The following CSMD1 variants were observed in gnomAD, a reference collection of about 807,000 sequenced individuals.
CSMD1 encodes CUB and Sushi multiple domains 1.
Under a neutral mutation model 417.5 loss-of-function variants are expected in CSMD1, and 213 were observed. The ratio of observed to expected loss-of-function variants is 0.51; its 90% CI spans 0.46 to 0.57. The LOEUF is 0.57. Among genes scored for constraint, CSMD1 ranks in the 20% least tolerant of loss-of-function variants. CSMD1 has a pLI of 0.00. For missense variants in CSMD1, 6,923 were observed against 4,529.7 expected (o/e 1.53, Z -15.17); for synonymous variants, 2,862 against 1,736.8 (o/e 1.65, Z -16.11).
chr8:3,426,400 C>T (rs932956440), intron 12 of CSMD1, among the ~76,000 whole-genome samples: 16 of 152,058 alleles, frequency 1.1e-4, no homozygotes, highest in Admixed American at 2.6e-4. Flanking sequence ...TAATTTAGCT[C>T]GACTTCTCTA....
At chr8:4,759,777 G>C (rs1289288211) in intron 1 of CSMD1, among the ~76,000 whole-genome samples, 1 of 152,176 alleles carries the variant, frequency 6.6e-6, no homozygotes, top group African/African-American at 2.4e-5. Flanking sequence ...GTATTCCATA[G>C]TACATATGTA....
At chr8:4,013,124 G>C (rs535767115) in intron 4 of CSMD1, among the ~76,000 whole-genome samples, 1 of 151,736 alleles carries the variant, frequency 6.6e-6, no homozygotes, top group African/African-American at 2.4e-5. Flanking sequence ...TTTTCTTCTC[G>C]TATCCCCCCA....
intron 3 of CSMD1, among the ~76,000 whole-genome samples, chr8:4,363,476 C>T (rs986294768): frequency 6.6e-6 from 1 of 152,174 alleles, no homozygotes; most frequent in Non-Finnish European, 1.5e-5. Context: ...CCCACCACCC[C>T]CTCTCTGGAG....
chr8:4,734,208 T>C (rs1810079291), intron 1 of CSMD1, among the ~76,000 whole-genome samples: 1 of 152,316 alleles, frequency 6.6e-6, no homozygotes, highest in East Asian at 1.9e-4. Context: ...AAAATTCCCC[T>C]GCATGGTATA....
intron 3 of CSMD1, among the ~76,000 whole-genome samples, chr8:4,227,762 C>T (rs576536684): frequency 1.1e-4 from 17 of 151,442 alleles, no homozygotes; most frequent in Admixed American, 9.2e-4. Flanking sequence ...CTCCATCCTG[C>T]ATTCAATCCC....
At position 4,433,323 on chromosome 8, in the gene CSMD1, G is replaced by A. The variant is rs550040471; in HGVS notation, c.303-13258C>T. Among the ~76,000 whole-genome samples, 115 of 152,232 alleles carry A rather than the reference G, an allele frequency of 7.6e-4. 3 individuals carry two copies. In the South Asian group the frequency reaches 0.014, roughly 19 times the overall value. Reference sequence around the variant, plus strand: ...ACTGGCTTCCACGAAACTGGTCCCTGGCACCAGAAAGGTTGGGGACTGCTA... The same window carrying A: ...ACTGGCTTCCACGAAACTGGTCCCTAGCACCAGAAAGGTTGGGGACTGCTA... On this transcript the variant is annotated intron_variant, in intron 2 of 69. Transcript: ENST00000635120.
chr8:4,913,960 C>T (rs370355029), intron 1 of CSMD1, among the ~76,000 whole-genome samples: 1 of 152,128 alleles, frequency 6.6e-6, no homozygotes, highest in Non-Finnish European at 1.5e-5. Context: ...TTAATTGTAG[C>T]CAATTAAGAT....
chr8:2,995,209 T>A (rs1448607370), intron 54 of CSMD1, among the ~76,000 whole-genome samples: 1 of 151,974 alleles, frequency 6.6e-6, no homozygotes, highest in African/African-American at 2.4e-5. Context: ...AACAAAAAAA[T>A]CCAAACAATT....
intron 3 of CSMD1, among the ~76,000 whole-genome samples, chr8:4,089,060 C>T (rs1337675860): frequency 1.3e-5 from 2 of 152,158 alleles, no homozygotes; most frequent in Non-Finnish European, 2.9e-5. Flanking sequence ...CTGGTCTTGC[C>T]GCCAGAGCTT....
intron 3 of CSMD1, among the ~76,000 whole-genome samples, chr8:4,264,194 T>G (rs779947166): frequency 3.1e-4 from 47 of 152,326 alleles, no homozygotes; most frequent in Non-Finnish European, 6.8e-4. Flanking sequence ...GTGATGATGA[T>G]GATTACCAAC....
intron 1 of CSMD1, among the ~76,000 whole-genome samples, chr8:4,820,504 G>A (rs909320633): frequency 3.3e-5 from 5 of 152,094 alleles, no homozygotes; most frequent in African/African-American, 4.8e-5. Flanking sequence ...ATAAGGAAAT[G>A]GCCAACCTCC....
intron 1 of CSMD1, among the ~76,000 whole-genome samples, chr8:4,806,435 G>A (rs1271519707): frequency 6.8e-6 from 1 of 147,490 alleles, no homozygotes; most frequent in Non-Finnish European, 1.5e-5. Context: ...GATGATGTTA[G>A]TGCCATCAAC....
At chr8:3,153,355 G>A (rs1301064490) in intron 39 of CSMD1, among the ~76,000 whole-genome samples, 5 of 152,314 alleles carry the variant, frequency 3.3e-5, no homozygotes, top group African/African-American at 9.6e-5. Flanking sequence ...GGGCTGCTCT[G>A]TCTATGGAGT....
In CSMD1 at chr8:3,425,080, T is replaced by C. The variant is rs149639397; in HGVS notation, c.1562-15475A>G. Among the ~76,000 whole-genome samples, 11 of 152,290 alleles carry C rather than the reference T, an allele frequency of 7.2e-5. No individual in the cohort carries two copies. In the East Asian group the frequency reaches 2.1e-3, roughly 30 times the overall value. On this transcript the variant is annotated intron_variant, in intron 12 of 69. Transcript: ENST00000635120. The stretch of plus-strand genomic sequence containing the variant: ...GTTCCAAGTCCCTGGGCTCAAGCAA[T>C]CCTCCTGTCCCAGCATCCCAAAGCG...
At chr8:4,990,364 T>C (rs1469972549) in intron 1 of CSMD1, among the ~76,000 whole-genome samples, 3 of 83,318 alleles carry the variant, frequency 3.6e-5, no homozygotes, top group East Asian at 2.4e-4. Flanking sequence ...TTTTAAGGGG[T>C]TCACATTTTT....
At chr8:4,258,365 A>C (rs1203277246) in intron 3 of CSMD1, among the ~76,000 whole-genome samples, 1 of 16,494 alleles carries the variant, frequency 6.1e-5, no homozygotes, top group African/African-American at 2.8e-4. Flanking sequence ...GAAGGAGGGA[A>C]GGAGGGAGGG....
chr8:3,156,949 G>A (rs1012810501), intron 39 of CSMD1, among the ~76,000 whole-genome samples: 2 of 133,720 alleles, frequency 1.5e-5, no homozygotes, highest in African/African-American at 2.9e-5. Context: ...GGGAGTGAGG[G>A]AGAAATTTAA....
In CSMD1 at chr8:4,414,598, A is replaced by ATT. The variant is rs560074720; in HGVS notation, c.415+5353_415+5354dup. On this transcript the variant is annotated intron_variant, in intron 3 of 69. Transcript: ENST00000635120. ...TCTTTATCTTTAAATCAATTCAGTG[A>ATT]TTTTTTTTAAACTTCTGCATGCGTG... 9.6e-3 allele frequency among the ~76,000 whole-genome samples: 1,467 copies of ATT among 152,092 alleles called. 11 individuals carry two copies. The highest frequency in any genetic ancestry group is 0.044 in the Middle Eastern group (13 of 294).
At chr8:4,255,611 G>A (rs993686841) in intron 3 of CSMD1, among the ~76,000 whole-genome samples, 1 of 152,124 alleles carries the variant, frequency 6.6e-6, no homozygotes, top group Non-Finnish European at 1.5e-5. Flanking sequence ...GATTATACTT[G>A]ATTTTTATCA....
Sources: gnomAD v4.1 joint callset for allele counts (sites outside exome capture counted in the v4.1 genomes callset) on GRCh38, gnomAD v4.1.1 for gene constraint, MANE v1.5 for transcripts, NCBI Gene and HGNC (gene_info 2026-07-23, HGNC 2026-07-21) for gene names.